ZFHX3: variants seen among roughly 807,000 people sequenced by gnomAD.
The protein encoded by ZFHX3 is zinc finger homeobox protein 3.
A neutral mutation model predicts 279.1 loss-of-function variants in ZFHX3; 42 were observed. The ratio of observed to expected loss-of-function variants is 0.15; its 90% CI spans 0.12 to 0.19. The LOEUF (loss-of-function observed/expected upper bound fraction) is 0.19. ZFHX3 is among the 10% of genes least tolerant of loss of function. ZFHX3 has a pLI of 1.00. For missense variants in ZFHX3, 4,981 were observed against 4,754.0 expected (o/e 1.05, Z -1.40); for synonymous variants, 2,293 against 1,957.8 (o/e 1.17, Z -4.52).
At chr16:73,575,208 A>G (rs2051787258) in intron 2 of ZFHX3, among the ~76,000 whole-genome samples, 1 of 152,198 alleles carries the variant, frequency 6.6e-6, no homozygotes, top group African/African-American at 2.4e-5. Context: ...AATATGTGAG[A>G]ATAGAACTTC....
chr16:73,425,775 A>G (rs1473769028), intron 3 of ZFHX3, among the ~76,000 whole-genome samples: 3 of 152,122 alleles, frequency 2.0e-5, no homozygotes, highest in South Asian at 2.1e-4. Flanking sequence ...TAGCACACAG[A>G]TATCAGCTAT....
At chr16:73,335,161 G>T (rs3954300) in intron 3 of ZFHX3, among the ~76,000 whole-genome samples, 19,729 of 151,874 alleles carry the variant, frequency 0.13, 2,761 homozygotes, top group East Asian at 0.35. Flanking sequence ...GTACGAAAAG[G>T]GTGCCAAACT....
chr16:73,790,394 C>G (rs1286775294), intron 1 of ZFHX3, among the ~76,000 whole-genome samples: 2 of 151,588 alleles, frequency 1.3e-5, no homozygotes, highest in South Asian at 4.2e-4. Context: ...TACTGGTTTA[C>G]AAAAGTGGGT....
At chr16:73,324,652 C>T (rs896620950) in intron 3 of ZFHX3, among the ~76,000 whole-genome samples, 3 of 152,198 alleles carry the variant, frequency 2.0e-5, no homozygotes, top group Non-Finnish European at 4.4e-5. Context: ...TGCAACATGA[C>T]ACACAGAAGG....
chr16:73,481,532 C>G (rs1003989010), intron 2 of ZFHX3, among the ~76,000 whole-genome samples: 5 of 136,318 alleles, frequency 3.7e-5, no homozygotes, highest in African/African-American at 1.4e-4. Context: ...CTCTTGGTCT[C>G]AGGTGATCCC....
Position 73,686,259 on chromosome 16 carries a change from TA to T in ZFHX3, c.-1607-6020del, listed in dbSNP as rs1157965725. Among the ~76,000 whole-genome samples the T allele has an allele frequency of 3.9e-5, 6 of 152,114 alleles. 1 individual carries two copies. Among genetic ancestry groups the T allele is most frequent in the Admixed American group, 3.3e-4 (5 of 15,280 alleles). On this transcript the variant is annotated intron_variant, in intron 1 of 17. Coordinates refer to the ZFHX3 transcript ENST00000641206. ...ACAGGTGCCCACCACCACACCTGGC[TA>T]ATTTTTTGTATTTTTAGTAGAGACA...
At chr16:73,167,912 C>T (rs1357688356) in intron 5 of ZFHX3, among the ~76,000 whole-genome samples, 2 of 151,972 alleles carry the variant, frequency 1.3e-5, no homozygotes, top group Non-Finnish European at 1.5e-5. Flanking sequence ...ATTTCCAACC[C>T]TAAAACGACT....
Position 72,794,236 on chromosome 16 carries a change from GGCTTTCAAA to G in ZFHX3, c.8437_8445del (p.Phe2813_Ser2815del). On this transcript the variant is annotated inframe_deletion, in exon 9 of 10. Transcript: ENST00000268489. The surrounding 1 kb of genome is among the most constrained non-coding windows in gnomAD (Gnocchi z 4.2). ...TTTAGATTAACTGAGGACATGGAGG[GGCTTTCAAA>G]GTCTTCAATCCCTTCCACCTTAATG... The G allele has an allele frequency of 6.2e-7, 1 of 1,614,164 alleles. No homozygotes were observed. Among genetic ancestry groups the G allele is most frequent in the Non-Finnish European group, 8.5e-7 (1 of 1,180,026 alleles).
intron 8 of ZFHX3, among the ~76,000 whole-genome samples, chr16:73,079,608 G>C (rs540285855): frequency 6.6e-6 from 1 of 151,958 alleles, no homozygotes; most frequent in East Asian, 2.0e-4. Flanking sequence ...CAAAGTGTTG[G>C]GGTTACAAGC....
At chr16:73,452,834 C>T (rs2018300004) in intron 3 of ZFHX3, among the ~76,000 whole-genome samples, 1 of 152,206 alleles carries the variant, frequency 6.6e-6, no homozygotes, top group African/African-American at 2.4e-5. Context: ...GTGCTGCCTT[C>T]CAACCAATGA....
At chr16:73,435,745 C>T (rs1169586421) in intron 3 of ZFHX3, among the ~76,000 whole-genome samples, 3 of 152,244 alleles carry the variant, frequency 2.0e-5, no homozygotes, top group Non-Finnish European at 4.4e-5. Flanking sequence ...GGCCTCCACT[C>T]AAGTTCTCCC....
At chr16:73,891,535 A>C (rs1015092068) in intron 1 of ZFHX3, 1 of 152,250 alleles carries the variant, frequency 6.6e-6, no homozygotes, top group African/African-American at 2.4e-5. Context: ...ATGAATGTAA[A>C]GGGAAAGAGA....
At chr16:73,752,947 G>C (rs1328515001) in intron 1 of ZFHX3, among the ~76,000 whole-genome samples, 1 of 152,190 alleles carries the variant, frequency 6.6e-6, no homozygotes, top group Non-Finnish European at 1.5e-5. Flanking sequence ...CATTATCTGA[G>C]AATTTGCATA....
chr16:73,168,781 C>CAGCCAGGATCCAG (rs1312137739), intron 5 of ZFHX3, among the ~76,000 whole-genome samples: 1 of 152,204 alleles, frequency 6.6e-6, no homozygotes, highest in African/African-American at 2.4e-5. Flanking sequence ...CTCCAGCTAG[C>CAGCCAGGATCCAG]TGCCCTCTGG....
At chr16:73,162,250 C>A (rs1158291761) in intron 5 of ZFHX3, among the ~76,000 whole-genome samples, 1 of 152,208 alleles carries the variant, frequency 6.6e-6, no homozygotes, top group Non-Finnish European at 1.5e-5. Flanking sequence ...TCCTGCCAGA[C>A]TGCAGTGGTA....
chr16:73,735,042 T>C (rs1029291580), intron 1 of ZFHX3, among the ~76,000 whole-genome samples: 5 of 152,194 alleles, frequency 3.3e-5, no homozygotes, highest in African/African-American at 1.2e-4. Flanking sequence ...TTTATTTTTT[T>C]AAATGGTGAT....
Position 72,784,730 on chromosome 16 carries a change from T to TACA in ZFHX3, c.*2431_*2433dup, listed in dbSNP as rs2035281765. The TACA allele has an allele frequency of 6.6e-6, 1 of 152,576 alleles. No homozygotes were observed. The highest frequency in any genetic ancestry group is 1.5e-5 in the Non-Finnish European group (1 of 68,020). 9.5% of individuals were successfully genotyped at this position (152,576 alleles called of 1,614,324 possible). On this transcript the variant is annotated 3_prime_UTR_variant, in exon 10 of 10. Coordinates refer to ENST00000268489, the MANE Select transcript of ZFHX3 (RefSeq NM_006885.4). Reference sequence around the variant, plus strand: ...CGTACTTGCTTTTGACACCTTATGCTACAACTGGATACTGGTATGAATAGT... The same window carrying TACA: ...CGTACTTGCTTTTGACACCTTATGCTACAACAACTGGATACTGGTATGAATAGT...
intron 4 of ZFHX3, among the ~76,000 whole-genome samples, chr16:72,887,792 C>T (rs1265092076): frequency 2.0e-5 from 3 of 151,388 alleles, no homozygotes; most frequent in East Asian, 1.9e-4. Context: ...GTGTGTACAA[C>T]GTATGTGGGT....
At chr16:73,719,862 A>G (rs2053457339) in intron 1 of ZFHX3, among the ~76,000 whole-genome samples, 1 of 150,558 alleles carries the variant, frequency 6.6e-6, no homozygotes, top group South Asian at 2.1e-4. Flanking sequence ...CAAACTCCCA[A>G]CCTCAGGTGA....
Sources: allele counts gnomAD v4.1 joint callset (sites outside exome capture counted in the v4.1 genomes callset), GRCh38; gene constraint gnomAD v4.1.1; non-coding constraint Gnocchi (gnomAD v3.1); transcripts MANE v1.5; gene names NCBI Gene and HGNC (gene_info 2026-07-23, HGNC 2026-07-21).